Variants in SH3TC1 observed in about 807,000 individuals in gnomAD.
The protein encoded by SH3TC1 is SH3 domain and tetratricopeptide repeat-containing protein 1.
Under a neutral mutation model 117.3 loss-of-function variants are expected in SH3TC1, and 135 were observed. That is an observed-to-expected ratio of 1.15 (90% CI 1.00 to 1.33). The LOEUF (loss-of-function observed/expected upper bound fraction) is 1.33. SH3TC1 is among the 40% of genes most tolerant of loss of function. The pLI is 0.00. For synonymous variants in SH3TC1, 898 were observed against 816.9 expected (o/e 1.10, Z -1.69); for missense variants, 2,092 against 1,794.3 (o/e 1.17, Z -3.00).
In SH3TC1 at chr4:8,209,766, G is replaced by A. The variant is rs1375611009; in HGVS notation, c.191G>A (p.Arg64His). 2.3e-5 allele frequency: 37 copies of A among 1,613,572 alleles called. No homozygotes were observed. Among genetic ancestry groups the A allele is most frequent in the East Asian group, 4.5e-5 (2 of 44,888 alleles). Residue 64 changes from arginine (R) to histidine (H), a missense_variant, in exon 3 of 18, where the codon CGC becomes CAC. Physicochemically the swap from Arg to His is conservative, Grantham distance 29 (BLOSUM62 0). Coordinates refer to ENST00000245105, the MANE Select transcript of SH3TC1 (RefSeq NM_018986.5). The surrounding 1 kb of genome is among the most constrained non-coding windows in gnomAD (Gnocchi z 5.9). ...GTTGCAGACGAGGCTCCTCCTGCCC[G>A]CGTGGCTGGGCCTGCTGCTGGGACC... ...PVRGDEAPPA[R>H]VAGPAAGTPP...
In SH3TC1 at chr4:8,223,701, C is replaced by T. The variant is rs144026755; in HGVS notation, c.1243+731C>T. ...AGGCTGGAGTGCAGTGGCATGATCT[C>T]GGCTCACTGCAACCTCTGCCTCCCG... On this transcript the variant is annotated intron_variant, in intron 10 of 17. Coordinates refer to ENST00000245105, the MANE Select transcript of SH3TC1 (RefSeq NM_018986.5). 8.3e-3 allele frequency among the ~76,000 whole-genome samples: 1,244 copies of T among 150,084 alleles called. 13 individuals carry two copies. Among genetic ancestry groups the T allele is most frequent in the African/African-American group, 0.029 (1,160 of 40,660 alleles).
At chr4:8,213,036 G>A (rs987886084) in intron 4 of SH3TC1, 1 of 632,272 alleles carries the variant, frequency 1.6e-6, no homozygotes, top group Non-Finnish European at 2.6e-6. Flanking sequence ...GGAGGGCACT[G>A]TGATCGTCCC....
In SH3TC1 at chr4:8,240,678, G is replaced by A. The variant is rs376557254; in HGVS notation, c.3754-20G>A. ...TGGCTCCGAGTCCCCCTTTTGCTGA[G>A]CATGGCCTGTCCCCTTCAGGACCCG... is the stretch of plus-strand genomic sequence containing the variant. On this transcript the variant is annotated intron_variant, in intron 17 of 17. Transcript: ENST00000245105. 5.9e-5 allele frequency: 96 copies of A among 1,613,468 alleles called. No individual in the cohort carries two copies. The highest frequency in any genetic ancestry group is 8.0e-5 in the Non-Finnish European group (94 of 1,179,880).
At chr4:8,224,387 T>A (rs1463996772) in intron 10 of SH3TC1, among the ~76,000 whole-genome samples, 1 of 152,210 alleles carries the variant, frequency 6.6e-6, no homozygotes, top group Admixed American at 6.5e-5. Flanking sequence ...GGATGGTATC[T>A]CCTGTCCTTT....
chr4:8,228,382 G>C lies in SH3TC1; in HGVS notation c.2688G>C (p.Leu896=), dbSNP rs142859239. The change falls in exon 12 of 18, where the codon CTG becomes CTC. Residue 896 remains leucine, a synonymous_variant. Coordinates refer to ENST00000245105, the MANE Select transcript of SH3TC1 (RefSeq NM_018986.5). ...YYRALRVARD[L]GQQRNQAVGL... is the part of the protein sequence containing the mutation. ...GCGCCCTGCGGGTGGCTCGGGACCTGGGCCAGCAAAGGAACCAGGCAGTGG... is the reference window on the plus strand; with the variant it reads ...GCGCCCTGCGGGTGGCTCGGGACCTCGGCCAGCAAAGGAACCAGGCAGTGG... 164 of 1,610,966 alleles carry C rather than the reference G, an allele frequency of 1.0e-4. No individual in the cohort carries two copies. In the African/African-American group the frequency reaches 1.7e-3, roughly 16 times the overall value.
intron 1 of SH3TC1, chr4:8,204,894 A>C: frequency 3.5e-6 from 1 of 284,130 alleles, no homozygotes. Flanking sequence ...CTGCCTCGAC[A>C]GGGAAGGGGA....
In SH3TC1 at chr4:8,227,275, C is replaced by T. The variant is rs368918914; in HGVS notation, c.1581C>T (p.Ser527=). The T allele has an allele frequency of 1.7e-5, 28 of 1,604,666 alleles. No homozygotes were observed. The highest frequency in any genetic ancestry group is 2.7e-5 in the African/African-American group (2 of 74,728). ...GLYDVALPWL[S]SVFRSFSDEE... ...ACGATGTGGCGCTGCCGTGGCTGAG[C>T]AGCGTGTTCCGCAGCTTCAGCGACG... Residue 527 remains serine (S), a synonymous_variant, in exon 12 of 18, where the codon AGC becomes AGT. Coordinates refer to ENST00000245105, the MANE Select transcript of SH3TC1 (RefSeq NM_018986.5).
At chr4:8,218,442 C>A in intron 8 of SH3TC1, 95 bp downstream of exon 8, 1 of 837,682 alleles carries the variant, frequency 1.2e-6, no homozygotes, top group Non-Finnish European at 1.9e-6. Context: ...CTCCCTGAGC[C>A]AGAGAGATAG....
At chr4:8,207,914 G>A (rs926752335) in intron 2 of SH3TC1, among the ~76,000 whole-genome samples, 5 of 152,156 alleles carry the variant, frequency 3.3e-5, no homozygotes, top group Admixed American at 3.3e-4. Flanking sequence ...ACTTCAATAG[G>A]GATGGCACCT....
rs748352556 is a variant in SH3TC1 at position 8,228,529 on chromosome 4, C to T, written c.2835C>T (p.Phe945=). 3 of 1,611,120 alleles carry T rather than the reference C, an allele frequency of 1.9e-6. No individual in the cohort carries two copies. The African/African-American group carries it at 4.0e-5, about 21-fold the overall frequency. The change falls in exon 12 of 18, where the codon TTC becomes TTT. Residue 945 remains phenylalanine, a synonymous_variant. Coordinates refer to ENST00000245105, the MANE Select transcript of SH3TC1 (RefSeq NM_018986.5). ...RLPLGECGRD[F]THVLLQLGHL... is the part of the protein sequence containing the mutation. ...CCCTTGGGGAGTGTGGCCGGGACTT[C>T]ACCCACGTGCTCCTGCAGCTGGGCC...
chr4:8,213,081 C>T (rs957795768), intron 4 of SH3TC1: 16 of 509,472 alleles, frequency 3.1e-5, no homozygotes, highest in African/African-American at 6.0e-5. Context: ...CAGGGGACCT[C>T]GAGCTGTCCC....
At chr4:8,238,582 G>A (rs1001243248) in intron 17 of SH3TC1, among the ~76,000 whole-genome samples, 3 of 152,096 alleles carry the variant, frequency 2.0e-5, no homozygotes, top group South Asian at 2.1e-4. Flanking sequence ...CGTATCCCCC[G>A]CGGCAGGCCT....
At chr4:8,208,323 C>T (rs930657510) in intron 2 of SH3TC1, among the ~76,000 whole-genome samples, 1 of 151,916 alleles carries the variant, frequency 6.6e-6, no homozygotes, top group Non-Finnish European at 1.5e-5. Flanking sequence ...CCAACGGAGT[C>T]AAGATCTGAG....
chr4:8,223,877 C>T (rs1407047763), intron 10 of SH3TC1, among the ~76,000 whole-genome samples: 7 of 152,154 alleles, frequency 4.6e-5, no homozygotes, highest in African/African-American at 7.2e-5. Context: ...TCAGGTGATC[C>T]GCCAGCCTCA....
chr4:8,229,992 CGCGTTG>C (rs1721023312), intron 12 of SH3TC1, among the ~76,000 whole-genome samples: 2 of 142,902 alleles, frequency 1.4e-5, no homozygotes, highest in South Asian at 4.3e-4. Flanking sequence ...CTCCCCACCC[CGCGTTG>C]AACAGTCGAG....
At chr4:8,216,593 T>C (rs2152985860) in intron 6 of SH3TC1, among the ~76,000 whole-genome samples, 1 of 152,274 alleles carries the variant, frequency 6.6e-6, no homozygotes, top group African/African-American at 2.4e-5. Flanking sequence ...CATGAGGCTG[T>C]CTTTCCTACC....
chr4:8,228,382 G>A lies in SH3TC1; in HGVS notation c.2688G>A (p.Leu896=). The A allele has an allele frequency of 6.2e-7, 1 of 1,610,966 alleles. No individual in the cohort carries two copies. Among genetic ancestry groups the A allele is most frequent in the Non-Finnish European group, 8.5e-7 (1 of 1,179,196 alleles). ...GCGCCCTGCGGGTGGCTCGGGACCT[G>A]GGCCAGCAAAGGAACCAGGCAGTGG... ...YYRALRVARD[L]GQQRNQAVGL... Residue 896 remains leucine, a synonymous_variant, in exon 12 of 18, where the codon CTG becomes CTA. Transcript: ENST00000245105.
chr4:8,204,597 CTTA>C (rs1297878954), intron 1 of SH3TC1, among the ~76,000 whole-genome samples: 1 of 152,210 alleles, frequency 6.6e-6, no homozygotes, highest in Non-Finnish European at 1.5e-5. Flanking sequence ...ATCCTCCTCT[CTTA>C]TTAGCGCCTC....
intron 1 of SH3TC1, among the ~76,000 whole-genome samples, chr4:8,203,337 C>G (rs982035875): frequency 2.0e-5 from 3 of 151,972 alleles, no homozygotes; most frequent in African/African-American, 7.3e-5. Context: ...CCCCTCAGAG[C>G]CTCAGTTTCC....
Sources: allele counts gnomAD v4.1 joint callset (sites outside exome capture counted in the v4.1 genomes callset), GRCh38; gene constraint gnomAD v4.1.1; non-coding constraint Gnocchi (gnomAD v3.1); transcripts MANE v1.5; gene names NCBI Gene and HGNC (gene_info 2026-07-23, HGNC 2026-07-21).